Variants in ROBO1 observed in about 807,000 individuals in gnomAD.
ROBO1 encodes roundabout homolog 1.
Under a neutral mutation model 195.9 loss-of-function variants are expected in ROBO1, and 149 were observed. That is an observed-to-expected ratio of 0.76 (90% confidence interval 0.67 to 0.87). ROBO1 has a LOEUF of 0.87. Among genes scored for constraint, ROBO1 ranks in the 40% least tolerant of loss-of-function variants. The probability of loss-of-function intolerance (pLI) is 0.00; values close to 1 mark genes in which losing one functional copy is unlikely to be tolerated. For missense variants in ROBO1, 1,933 were observed against 2,068.3 expected, an observed-to-expected ratio of 0.93 and a Z score of 1.27; for synonymous variants, 816 against 733.2, an observed-to-expected ratio of 1.11 and a Z score of -1.82.
chr3:79,280,551 A>T (rs2031426114), intron 2 of ROBO1, among the ~76,000 whole-genome samples: 1 of 152,108 alleles, frequency 6.6e-6, no homozygotes. Context: ...ATGGAGAGTT[A>T]AGAGTTTCTT....
At chr3:78,718,804 A>AAGGG (rs1438295042) in intron 5 of ROBO1, among the ~76,000 whole-genome samples, 16 of 76,100 alleles carry the variant, frequency 2.1e-4, no homozygotes, top group East Asian at 1.2e-3. Context: ...GGAAGGAAGG[A>AAGGG]AGGGAGGGAG....
intron 2 of ROBO1, among the ~76,000 whole-genome samples, chr3:79,320,512 C>T (rs1371542339): frequency 6.6e-6 from 1 of 151,884 alleles, no homozygotes; most frequent in African/African-American, 2.4e-5. Context: ...AGTTTTTTTG[C>T]AGAGATGGAG....
intron 10 of ROBO1, among the ~76,000 whole-genome samples, chr3:78,671,735 G>A (rs966971326): frequency 6.6e-6 from 1 of 152,100 alleles, no homozygotes; most frequent in African/African-American, 2.4e-5. Flanking sequence ...GAATTAGAAG[G>A]CTAGAGTTTG....
intron 2 of ROBO1, among the ~76,000 whole-genome samples, chr3:79,489,186 A>G (rs1157152363): frequency 2.6e-5 from 4 of 151,958 alleles, no homozygotes; most frequent in Non-Finnish European, 4.4e-5. Context: ...AATCAATTTA[A>G]GATAAAAAAC....
intron 1 of ROBO1, among the ~76,000 whole-genome samples, chr3:79,761,091 C>A (rs1006904478): frequency 3.4e-5 from 5 of 147,312 alleles, no homozygotes; most frequent in Non-Finnish European, 7.4e-5. Context: ...AATATATGTA[C>A]TATATATAAA....
intron 8 of ROBO1, among the ~76,000 whole-genome samples, chr3:78,698,293 C>A (rs1350778345): frequency 6.6e-6 from 1 of 152,094 alleles, no homozygotes. Flanking sequence ...CATAGATACT[C>A]ATGAATGACA....
intron 2 of ROBO1, among the ~76,000 whole-genome samples, chr3:79,409,566 G>A (rs2037683787): frequency 6.6e-6 from 1 of 152,068 alleles, no homozygotes; most frequent in Admixed American, 6.6e-5. Context: ...TGTGTCTCAA[G>A]CAAAATTGTC....
intron 1 of ROBO1, among the ~76,000 whole-genome samples, chr3:79,599,749 T>G (rs1023307012): frequency 6.6e-6 from 1 of 152,050 alleles, no homozygotes; most frequent in Non-Finnish European, 1.5e-5. Context: ...CTTCTTTCAC[T>G]TTAATTACAG....
chr3:78,774,538 C>T (rs1346736021), intron 4 of ROBO1, among the ~76,000 whole-genome samples: 3 of 151,998 alleles, frequency 2.0e-5, no homozygotes, highest in Non-Finnish European at 2.9e-5. Flanking sequence ...TCTCGATCTC[C>T]TGACCTTGTG....
chr3:79,058,025 C>T (rs936008006), intron 3 of ROBO1, among the ~76,000 whole-genome samples: 13 of 151,906 alleles, frequency 8.6e-5, no homozygotes, highest in African/African-American at 2.2e-4. Flanking sequence ...ACAGAGGAAC[C>T]GGGACATTTG....
At chr3:79,719,571 C>A (rs1030394663) in intron 1 of ROBO1, among the ~76,000 whole-genome samples, 1 of 151,966 alleles carries the variant, frequency 6.6e-6, no homozygotes, top group Non-Finnish European at 1.5e-5. Flanking sequence ...ATGGTCATTG[C>A]AATTAACCAC....
chr3:79,372,773 A>G (rs1168834688), intron 2 of ROBO1, among the ~76,000 whole-genome samples: 1 of 151,892 alleles, frequency 6.6e-6, no homozygotes. Flanking sequence ...TTTTTTCATT[A>G]TTTGAGTATA....
At chr3:79,617,525 A>C (rs974876080) in intron 1 of ROBO1, among the ~76,000 whole-genome samples, 2 of 152,204 alleles carry the variant, frequency 1.3e-5, no homozygotes, top group African/African-American at 4.8e-5. Context: ...AGACAATTAT[A>C]TACAACTTAT....
chr3:79,365,025 C>T (rs1010848830), intron 2 of ROBO1, among the ~76,000 whole-genome samples: 4 of 152,162 alleles, frequency 2.6e-5, no homozygotes, highest in African/African-American at 7.2e-5. Context: ...AATCATTCCT[C>T]ACTCTATAGC....
intron 8 of ROBO1, among the ~76,000 whole-genome samples, chr3:78,692,557 C>T (rs577599836): frequency 2.6e-5 from 4 of 152,250 alleles, no homozygotes; most frequent in South Asian, 2.1e-4. Context: ...AGGTGTGAGC[C>T]GCCATGCCAG....
intron 2 of ROBO1, among the ~76,000 whole-genome samples, chr3:79,398,143 T>A (rs2106761348): frequency 6.6e-6 from 1 of 152,246 alleles, no homozygotes; most frequent in East Asian, 1.9e-4. Context: ...TCAAGAGATG[T>A]CTGCCCTGTT....
chr3:79,225,459 G>T (rs567585989), intron 2 of ROBO1, among the ~76,000 whole-genome samples: 4 of 152,136 alleles, frequency 2.6e-5, no homozygotes, highest in Admixed American at 6.6e-5. Flanking sequence ...CACATTTGCC[G>T]TGTGTTTAGA....
At chr3:79,437,272 T>A (rs985300324) in intron 2 of ROBO1, among the ~76,000 whole-genome samples, 1 of 151,968 alleles carries the variant, frequency 6.6e-6, no homozygotes, top group Non-Finnish European at 1.5e-5. Context: ...GACCAGATAA[T>A]ATTGCCCAAG....
chr3:78,681,856 C>T (rs543113922), intron 10 of ROBO1, among the ~76,000 whole-genome samples: 29 of 152,096 alleles, frequency 1.9e-4, no homozygotes, highest in African/African-American at 6.7e-4. Context: ...GAGCTGAGAT[C>T]GCACCACTGC....
Sources: gnomAD v4.1 joint callset for allele counts (sites outside exome capture counted in the v4.1 genomes callset) on GRCh38, gnomAD v4.1.1 for gene constraint, MANE v1.5 for transcripts, NCBI Gene and HGNC (gene_info 2026-07-23, HGNC 2026-07-21) for gene names.